Variants in CEP112 observed in about 807,000 individuals in gnomAD.
CEP112 encodes centrosomal protein of 112 kDa.
CEP112 carries 127 observed loss-of-function variants against 153.0 expected under a neutral mutation model. That is an observed-to-expected ratio of 0.83 (90% confidence interval 0.72 to 0.96). The LOEUF is 0.96. CEP112 is among the 40% of genes least tolerant of loss of function. CEP112 has a pLI of 0.00. For synonymous variants in CEP112, 358 were observed against 374.4 expected (o/e 0.96, Z 0.51); for missense variants, 1,089 against 1,101.2 (o/e 0.99, Z 0.16).
At chr17:65,878,114 C>T (rs1401851818) in intron 20 of CEP112, among the ~76,000 whole-genome samples, 1 of 151,914 alleles carries the variant, frequency 6.6e-6, no homozygotes, top group Non-Finnish European at 1.5e-5. Context: ...TAATATATAC[C>T]AATGTGACTA....
At chr17:65,841,418 G>C (rs529332652) in intron 21 of CEP112, among the ~76,000 whole-genome samples, 1 of 152,166 alleles carries the variant, frequency 6.6e-6, no homozygotes, top group Admixed American at 6.5e-5. Flanking sequence ...AATATTGCAT[G>C]TTTTCATTCA....
intron 6 of CEP112, among the ~76,000 whole-genome samples, chr17:66,098,573 A>G (rs1598346965): frequency 1.3e-5 from 2 of 152,234 alleles, no homozygotes; most frequent in East Asian, 3.9e-4. Flanking sequence ...GAATCCAATC[A>G]AGTAAAACTT....
chr17:65,837,835 A>G (rs554919588), intron 21 of CEP112, among the ~76,000 whole-genome samples: 1 of 152,346 alleles, frequency 6.6e-6, no homozygotes, highest in Non-Finnish European at 1.5e-5. Flanking sequence ...ACTAAGGGTT[A>G]AATGGATTAA....
At chr17:65,999,775 G>GTGTTTT (rs2063943952) in intron 17 of CEP112, among the ~76,000 whole-genome samples, 1 of 151,524 alleles carries the variant, frequency 6.6e-6, no homozygotes, top group South Asian at 2.1e-4. Context: ...ATGTGTCCAT[G>GTGTTTT]TGTTCTTATC....
chr17:65,678,049 A>G (rs1406254372), intron 24 of CEP112, among the ~76,000 whole-genome samples: 1 of 152,206 alleles, frequency 6.6e-6, no homozygotes, highest in East Asian at 1.9e-4. Context: ...AGGAACTGCA[A>G]GTTAAGTGGC....
intron 23 of CEP112, among the ~76,000 whole-genome samples, chr17:65,735,078 C>T (rs980774059): frequency 6.6e-6 from 1 of 152,124 alleles, no homozygotes; most frequent in Non-Finnish European, 1.5e-5. Flanking sequence ...GATAATATCA[C>T]TGATCTTATC....
At chr17:66,151,674 A>C (rs2071216325) in intron 4 of CEP112, among the ~76,000 whole-genome samples, 1 of 152,202 alleles carries the variant, frequency 6.6e-6, no homozygotes, top group African/African-American at 2.4e-5. Flanking sequence ...AAATAGGAAA[A>C]AACTGAGAGA....
At chr17:65,870,060 A>AGAAAGAAAGAAG (rs1199476463) in intron 20 of CEP112, among the ~76,000 whole-genome samples, 1 of 78,818 alleles carries the variant, frequency 1.3e-5, no homozygotes, top group Admixed American at 1.5e-4. Flanking sequence ...AAAGAAAGAA[A>AGAAAGAAAGAAG]GAAAGAAAGA....
chr17:65,879,258 T>C (rs1446580976), intron 20 of CEP112, among the ~76,000 whole-genome samples: 1 of 152,152 alleles, frequency 6.6e-6, no homozygotes, highest in African/African-American at 2.4e-5. Flanking sequence ...GAAGGCATTG[T>C]GACAATGACA....
intron 21 of CEP112, among the ~76,000 whole-genome samples, chr17:65,837,877 TGCTTGAAGGCAGCATACTCGTTAAGA>T (rs1340158150): frequency 6.6e-6 from 1 of 152,178 alleles, no homozygotes; most frequent in Non-Finnish European, 1.5e-5. Flanking sequence ...GTTAAATAGA[TGCTTGAAGGCAGCATACTCGTTAAGA>T]GTCATCACCA....
chr17:65,730,627 C>T (rs1345572317), intron 23 of CEP112, among the ~76,000 whole-genome samples: 1 of 152,198 alleles, frequency 6.6e-6, no homozygotes, highest in Non-Finnish European at 1.5e-5. Flanking sequence ...TGATGCTAGG[C>T]ATCGAGATTT....
At chr17:66,161,404 TCACAATAG>T (rs1479494081) in intron 4 of CEP112, among the ~76,000 whole-genome samples, 1 of 152,116 alleles carries the variant, frequency 6.6e-6, no homozygotes, top group African/African-American at 2.4e-5. Context: ...TCTGCACTGT[TCACAATAG>T]CAAAGAATTG....
At chr17:65,824,373 A>G (rs1355549351) in intron 21 of CEP112, among the ~76,000 whole-genome samples, 1 of 152,258 alleles carries the variant, frequency 6.6e-6, no homozygotes, top group Non-Finnish European at 1.5e-5. Context: ...CACAGAAAAT[A>G]CATGAGTGAT....
chr17:65,765,098 A>G (rs2145435144), intron 21 of CEP112, among the ~76,000 whole-genome samples: 1 of 126,348 alleles, frequency 7.9e-6, no homozygotes, highest in Non-Finnish European at 1.6e-5. Flanking sequence ...TCTCTATTGC[A>G]TTTTTAAATT....
intron 23 of CEP112, among the ~76,000 whole-genome samples, chr17:65,721,146 G>A (rs1157913668): frequency 1.3e-5 from 2 of 151,732 alleles, no homozygotes; most frequent in Non-Finnish European, 2.9e-5. Flanking sequence ...AAGTAGCTAA[G>A]ACTACAGGTG....
At chr17:66,042,447 C>T (rs919401045) in intron 12 of CEP112, among the ~76,000 whole-genome samples, 14 of 152,012 alleles carry the variant, frequency 9.2e-5, no homozygotes, top group African/African-American at 2.9e-4. Flanking sequence ...AAACCCACAA[C>T]CCCAGTCTAA....
chr17:65,900,638 T>A (rs1473094541), intron 20 of CEP112, among the ~76,000 whole-genome samples: 1 of 152,116 alleles, frequency 6.6e-6, no homozygotes, highest in Non-Finnish European at 1.5e-5. Context: ...AATTCTACTA[T>A]GCAAACAAAT....
At chr17:66,180,443 C>A (rs78832573) in intron 2 of CEP112, among the ~76,000 whole-genome samples, 13 of 151,646 alleles carry the variant, frequency 8.6e-5, no homozygotes, top group Non-Finnish European at 1.8e-4. Context: ...TTATGTAAAC[C>A]TTGAAAGAGA....
chr17:65,762,824 G>T (rs2052692098), intron 21 of CEP112, among the ~76,000 whole-genome samples: 1 of 151,874 alleles, frequency 6.6e-6, no homozygotes, highest in Admixed American at 6.6e-5. Flanking sequence ...TATTGTTGCT[G>T]TTAATATTTT....
Sources: allele counts gnomAD v4.1 joint callset (sites outside exome capture counted in the v4.1 genomes callset), GRCh38; gene constraint gnomAD v4.1.1; transcripts MANE v1.5; gene names NCBI Gene and HGNC (gene_info 2026-07-23, HGNC 2026-07-21).